The following MYOF variants were observed in gnomAD, a reference collection of about 807,000 sequenced individuals.
The protein encoded by MYOF is myoferlin, also known as fer-1-like 3, myoferlin.
A neutral mutation model predicts 284.2 loss-of-function variants in MYOF; 244 were observed. The ratio of observed to expected loss-of-function variants is 0.86; its 90% CI spans 0.77 to 0.95. MYOF has a LOEUF of 0.95. Ranked by LOEUF, MYOF falls within the 40% of genes least tolerant of loss-of-function variation. The pLI is 0.00. For missense variants in MYOF, 2,496 were observed against 2,560.6 expected, an observed-to-expected ratio of 0.97 and a Z score of 0.54; for synonymous variants, 904 against 919.7, an observed-to-expected ratio of 0.98 and a Z score of 0.31.
At chr10:93,356,216 T>C (rs908625624) in intron 30 of MYOF, among the ~76,000 whole-genome samples, 1 of 152,214 alleles carries the variant, frequency 6.6e-6, no homozygotes, top group Admixed American at 6.5e-5. Context: ...TTCCCCCGAC[T>C]TCTTTACTGT....
intron 16 of MYOF, among the ~76,000 whole-genome samples, chr10:93,394,959 T>A (rs1340913950): frequency 2.0e-5 from 3 of 151,612 alleles, no homozygotes; most frequent in African/African-American, 7.3e-5. Context: ...TTATTTATGT[T>A]ATCCATTGCT....
intron 25 of MYOF, among the ~76,000 whole-genome samples, chr10:93,369,433 G>A (rs1437385067): frequency 1.3e-5 from 2 of 152,118 alleles, no homozygotes; most frequent in Non-Finnish European, 2.9e-5. Context: ...ACACAAAAGT[G>A]TTAATCACCA....
intron 13 of MYOF, among the ~76,000 whole-genome samples, chr10:93,398,855 C>T (rs701860): frequency 0.79 from 120,484 of 152,094 alleles, 49,563 homozygotes; most frequent in East Asian, 1. Context: ...CTCAACTCTC[C>T]AATCTTTGAC....
At position 93,349,822 on chromosome 10, in the gene MYOF, G is replaced by T. The variant is rs764332911; in HGVS notation, c.4069C>A (p.Leu1357Ile). The change falls in exon 36 of 54, where the codon CTC becomes ATC. Residue 1357 changes from leucine to isoleucine, a missense_variant. This residue lies in a region of MYOF where 2,436 missense variants were observed against 2,480.7 expected (regional missense o/e 0.98). Coordinates refer to ENST00000359263, the MANE Select transcript of MYOF (RefSeq NM_013451.4). ...KKTPNFPSSV[L>I]FMKVFLPKEE... ...CGATACTGTACCACTTTCATGAAGA[G>T]AACAGAACTTGGAAAGTTGGGTGTC... 1 of 1,614,064 alleles carries T rather than the reference G, an allele frequency of 6.2e-7. No homozygotes were observed. Among genetic ancestry groups the T allele is most frequent in the East Asian group, 2.2e-5 (1 of 44,854 alleles).
Position 93,445,747 on chromosome 10 carries a change from C to T in MYOF, c.236+6303G>A, listed in dbSNP as rs770836603. 7.2e-5 allele frequency among the ~76,000 whole-genome samples: 11 copies of T among 152,128 alleles called. No homozygotes were observed. The East Asian group carries it at 1.7e-3, about 24-fold the overall frequency. ...AGCTGGGAACTGTTTGCTAATAGGC[C>T]GGGGAGCAGCAGATGCAAAGTGAGG... On this transcript the variant is annotated intron_variant, in intron 3 of 53. Transcript: ENST00000359263.
chr10:93,409,851 A>C lies in MYOF; in HGVS notation c.434-112T>G, dbSNP rs1378490937. 12 of 1,329,584 alleles carry C rather than the reference A, an allele frequency of 9.0e-6. No homozygotes were observed. In the East Asian group the frequency reaches 2.3e-4, roughly 26 times the overall value. The allele number at this position is 1,329,584 out of a possible 1,614,324, so 82.4% of individuals were successfully genotyped here. On this transcript the variant is annotated intron_variant, in intron 5 of 53. Transcript: ENST00000359263. ...TGCCATTATGTTTTAAGTGTTCCTA[A>C]AGTGGCAGGTGAAGGAGATCCTCTT...
chr10:93,407,873 T>G (rs1847688497), intron 7 of MYOF, among the ~76,000 whole-genome samples: 1 of 152,122 alleles, frequency 6.6e-6, no homozygotes, highest in Non-Finnish European at 1.5e-5. Flanking sequence ...AAAACTGGAT[T>G]AGTCACGAGA....
At position 93,404,069 on chromosome 10, in the gene MYOF, T is replaced by TA; in HGVS notation, c.796dup (p.Tyr266LeufsTer2). 6.2e-7 allele frequency: 1 copy of TA among 1,614,140 alleles called. No individual in the cohort carries two copies. Among genetic ancestry groups the TA allele is most frequent in the Non-Finnish European group, 8.5e-7 (1 of 1,180,004 alleles). ...ATCTGCCCGCAGAGAGTGAGAATTATAAACCTGGAAGAAAGAAGAGTAGTG... is the reference window on the plus strand; with the variant it reads ...ATCTGCCCGCAGAGAGTGAGAATTATAAAACCTGGAAGAAAGAAGAGTAGTG... On this transcript the variant is annotated frameshift_variant, in exon 9 of 54. Transcript: ENST00000359263. LOFTEE classifies it high-confidence loss of function.
chr10:93,433,938 T>G (rs981133091), intron 3 of MYOF, among the ~76,000 whole-genome samples: 1 of 152,180 alleles, frequency 6.6e-6, no homozygotes, highest in Admixed American at 6.5e-5. Context: ...GCAATATTAA[T>G]AAGTGCCTTC....
intron 40 of MYOF, among the ~76,000 whole-genome samples, chr10:93,337,133 G>GGT (rs758689987): frequency 0.023 from 3,055 of 135,244 alleles, 108 homozygotes; most frequent in African/African-American, 0.077. Context: ...AAAGGTGTGG[G>GGT]TTTTTTTTTT....
In MYOF at chr10:93,356,291, G is replaced by A. The variant is rs577881771; in HGVS notation, c.3294+384C>T. ...AGCTAGACTTCTGATTTCCTCCCCCGACATCTGTATATTTATGAATATACA... is the reference window on the plus strand; with the variant it reads ...AGCTAGACTTCTGATTTCCTCCCCCAACATCTGTATATTTATGAATATACA... On this transcript the variant is annotated intron_variant, in intron 30 of 53. Transcript: ENST00000359263. Among the ~76,000 whole-genome samples, 8 of 152,130 alleles carry A rather than the reference G, an allele frequency of 5.3e-5. No homozygotes were observed. The East Asian group carries it at 5.8e-4, about 11-fold the overall frequency.
rs186004099 is a variant in MYOF, at chr10:93,420,210, A to G, written c.433+5861T>C. On this transcript the variant is annotated intron_variant, in intron 5 of 53. Transcript: ENST00000359263. ...GCTATGAATGAGTTTTTGAATGTCT[A>G]TGTTTGGACAGAGCGCAAATTTAAC... 5.9e-5 allele frequency among the ~76,000 whole-genome samples: 9 copies of G among 152,378 alleles called. No homozygotes were observed. The East Asian group carries it at 1.7e-3, about 29-fold the overall frequency.
At chr10:93,372,552 G>A (rs1043869001) in intron 24 of MYOF, among the ~76,000 whole-genome samples, 1 of 152,118 alleles carries the variant, frequency 6.6e-6, no homozygotes, top group Non-Finnish European at 1.5e-5. Flanking sequence ...CATTAGGTTA[G>A]AGCAACAGAT....
chr10:93,399,728 T>C (rs1847185224), intron 12 of MYOF, among the ~76,000 whole-genome samples: 1 of 152,094 alleles, frequency 6.6e-6, no homozygotes, highest in Non-Finnish European at 1.5e-5. Context: ...AAAAATTAGC[T>C]GGGTGTGGTG....
intron 5 of MYOF, among the ~76,000 whole-genome samples, chr10:93,413,164 CTG>C (rs1438154338): frequency 1.8e-4 from 27 of 152,124 alleles, no homozygotes; most frequent in South Asian, 2.1e-4. Flanking sequence ...ATGCTGGACT[CTG>C]GACAAGTACT....
intron 21 of MYOF, among the ~76,000 whole-genome samples, chr10:93,378,541 T>A (rs1330941565): frequency 6.6e-6 from 1 of 151,748 alleles, no homozygotes; most frequent in East Asian, 1.9e-4. Context: ...AAACCCCATA[T>A]GTTTTGGTCC....
chr10:93,479,005 T>C (rs938293139), intron 1 of MYOF, among the ~76,000 whole-genome samples: 1 of 152,012 alleles, frequency 6.6e-6, no homozygotes, highest in African/African-American at 2.4e-5. Flanking sequence ...CCCTGGCCAT[T>C]CTTCACCGTC....
At chr10:93,476,133 T>C (rs1211500852) in intron 1 of MYOF, among the ~76,000 whole-genome samples, 2 of 152,010 alleles carry the variant, frequency 1.3e-5, no homozygotes, top group Admixed American at 1.3e-4. Context: ...TCTTGATGAG[T>C]CCTATGGTGC....
chr10:93,340,973 ATG>A (rs1241417321), intron 38 of MYOF, among the ~76,000 whole-genome samples: 2 of 152,144 alleles, frequency 1.3e-5, no homozygotes, highest in Admixed American at 1.3e-4. Context: ...TCCGGTTGCC[ATG>A]TGAGAGGCCA....
Sources: gnomAD v4.1 joint callset for allele counts (sites outside exome capture counted in the v4.1 genomes callset) on GRCh38, gnomAD v4.1.1 for gene constraint, gnomAD v4.1.1 regional missense constraint, MANE v1.5 for transcripts, NCBI Gene and HGNC (gene_info 2026-07-23, HGNC 2026-07-21) for gene names.